The following DLGAP1 variants were observed in gnomAD, a reference collection of about 807,000 sequenced individuals.
DLGAP1 encodes DLG associated protein 1, also known as disks large-associated protein 1.
DLGAP1 carries 11 observed loss-of-function variants against 90.8 expected under a neutral mutation model. That is an observed-to-expected ratio of 0.12 (90% CI 0.08 to 0.20). The LOEUF is 0.20. Among genes scored for constraint, DLGAP1 ranks in the 10% least tolerant of loss-of-function variants. The pLI, the probability that DLGAP1 is intolerant of heterozygous loss-of-function variation, is 1.00. For synonymous variants in DLGAP1, 558 were observed against 540.7 expected (o/e 1.03, Z -0.44); for missense variants, 1,050 against 1,333.8 (o/e 0.79, Z 3.31).
chr18:4,357,090 CGT>C (rs5822808), intron 1 of DLGAP1, among the ~76,000 whole-genome samples: 124,830 of 144,026 alleles, frequency 0.87, 55,190 homozygotes, highest in East Asian at 0.99. Flanking sequence ...TATACGTGTG[CGT>C]GTGTGTGTGT....
At chr18:3,586,049 A>G (rs2055865074) in intron 7 of DLGAP1, among the ~76,000 whole-genome samples, 1 of 152,156 alleles carries the variant, frequency 6.6e-6, no homozygotes, top group African/African-American at 2.4e-5. Flanking sequence ...ATCGATAGGG[A>G]TAACTCTGGA....
chr18:4,211,725 T>C (rs1227558381), intron 1 of DLGAP1, among the ~76,000 whole-genome samples: 4 of 152,250 alleles, frequency 2.6e-5, no homozygotes, highest in South Asian at 2.1e-4. Context: ...GCATTTTCCT[T>C]AGTCTCTCGA....
chr18:3,964,555 G>T (rs546479980), intron 3 of DLGAP1, among the ~76,000 whole-genome samples: 1 of 152,106 alleles, frequency 6.6e-6, no homozygotes, highest in Admixed American at 6.5e-5. Flanking sequence ...GGGAATCTTC[G>T]CTAGGAGTTG....
chr18:4,159,502 GCTT>G (rs1273625195), intron 1 of DLGAP1, among the ~76,000 whole-genome samples: 3 of 152,072 alleles, frequency 2.0e-5, no homozygotes, highest in Non-Finnish European at 4.4e-5. Flanking sequence ...CAAAAATTAA[GCTT>G]CTTCTCTGTA....
At chr18:3,781,363 T>C (rs537791172) in intron 5 of DLGAP1, among the ~76,000 whole-genome samples, 1 of 152,022 alleles carries the variant, frequency 6.6e-6, no homozygotes, top group South Asian at 2.1e-4. Flanking sequence ...TTTTTTTTTT[T>C]TTTTTGAGAT....
chr18:4,165,576 C>G (rs2076919258), intron 1 of DLGAP1, among the ~76,000 whole-genome samples: 1 of 152,050 alleles, frequency 6.6e-6, no homozygotes, highest in Admixed American at 6.5e-5. Flanking sequence ...TTGTGAGTTT[C>G]ATAAAATATA....
intron 1 of DLGAP1, among the ~76,000 whole-genome samples, chr18:4,401,359 G>A (rs1053226448): frequency 8.5e-5 from 13 of 152,248 alleles, no homozygotes; most frequent in African/African-American, 3.1e-4. Context: ...AAACCATGCT[G>A]CTTATTCTGT....
intron 1 of DLGAP1, among the ~76,000 whole-genome samples, chr18:4,195,462 C>T (rs1273875229): frequency 2.0e-5 from 3 of 152,090 alleles, no homozygotes; most frequent in Admixed American, 1.3e-4. Flanking sequence ...ATAAAAGATG[C>T]GAAATTTGCA....
intron 2 of DLGAP1, among the ~76,000 whole-genome samples, chr18:4,007,659 C>G (rs954065615): frequency 6.6e-6 from 1 of 151,760 alleles, no homozygotes; most frequent in African/African-American, 2.4e-5. Context: ...CCATCTCAAA[C>G]AAACAAACAA....
chr18:3,952,540 C>A (rs964176315), intron 3 of DLGAP1, among the ~76,000 whole-genome samples: 1 of 152,222 alleles, frequency 6.6e-6, no homozygotes, highest in Non-Finnish European at 1.5e-5. Context: ...GGCCACAAAC[C>A]TGTAGCCTCA....
At chr18:3,740,390 A>T (rs761813011) in intron 6 of DLGAP1, among the ~76,000 whole-genome samples, 2 of 152,152 alleles carry the variant, frequency 1.3e-5, no homozygotes, top group Non-Finnish European at 2.9e-5. Context: ...ACCAGCACGA[A>T]TAGGTTTGCA....
chr18:4,362,844 C>T (rs2081659297), intron 1 of DLGAP1, among the ~76,000 whole-genome samples: 1 of 152,024 alleles, frequency 6.6e-6, no homozygotes, highest in African/African-American at 2.4e-5. Flanking sequence ...AACTGAAAGG[C>T]ATTTAATCAA....
At chr18:4,367,260 G>A (rs115701017) in intron 1 of DLGAP1, among the ~76,000 whole-genome samples, 5,201 of 151,480 alleles carry the variant, frequency 0.034, 149 homozygotes, top group African/African-American at 0.076. Flanking sequence ...AACAGTTAGT[G>A]CACATATCGT....
At chr18:3,969,449 T>A (rs2073398853) in intron 3 of DLGAP1, among the ~76,000 whole-genome samples, 1 of 152,168 alleles carries the variant, frequency 6.6e-6, no homozygotes, top group African/African-American at 2.4e-5. Context: ...CGCTGACCCA[T>A]TCTAGCCGTA....
In DLGAP1 at chr18:4,377,296, C is replaced by T. The variant is rs146561929; in HGVS notation, c.-267+77710G>A. ...GAGCATTTACTACCATTCTCATCCA[C>T]TCAAGAAGAGAATCAAGTTCTGAAT... is the stretch of plus-strand genomic sequence containing the variant. On this transcript the variant is annotated intron_variant, in intron 1 of 12. Coordinates refer to ENST00000315677, the MANE Select transcript of DLGAP1 (RefSeq NM_004746.4). Among the ~76,000 whole-genome samples, 993 of 152,262 alleles carry T rather than the reference C, an allele frequency of 6.5e-3. 11 individuals carry two copies. Among genetic ancestry groups the T allele is most frequent in the African/African-American group, 0.023 (953 of 41,550 alleles).
At chr18:4,200,602 T>A (rs9952512) in intron 1 of DLGAP1, among the ~76,000 whole-genome samples, 12,726 of 151,494 alleles carry the variant, frequency 0.084, 1,519 homozygotes, top group African/African-American at 0.27. Context: ...TACTTTAAAA[T>A]ATTAAAAAAA....
chr18:3,881,105 CT>C lies in DLGAP1; in HGVS notation c.-72-966del, dbSNP rs138240446. Among the ~76,000 whole-genome samples, 221 of 150,388 alleles carry C rather than the reference CT, an allele frequency of 1.5e-3. 1 individual carries two copies. Among genetic ancestry groups the C allele is most frequent in the African/African-American group, 4.6e-3 (186 of 40,754 alleles). ...GTTCTCTTGCTTCTTGGGTCTTATT[CT>C]TTTTTTTCTTTTTCTTTTCTTTTTC... On this transcript the variant is annotated intron_variant, in intron 3 of 12. Transcript: ENST00000315677.
chr18:4,028,408 T>A (rs1286210774), intron 2 of DLGAP1, among the ~76,000 whole-genome samples: 1 of 152,160 alleles, frequency 6.6e-6, no homozygotes, highest in Admixed American at 6.6e-5. Flanking sequence ...TGCATTCAGG[T>A]GGCAGCAAAT....
At chr18:3,635,183 T>G (rs547485390) in intron 7 of DLGAP1, among the ~76,000 whole-genome samples, 3 of 150,404 alleles carry the variant, frequency 2.0e-5, no homozygotes, top group Middle Eastern at 3.5e-3. Context: ...CAGGCTGGAG[T>G]GCAGTGGCGG....
Sources: gnomAD v4.1 joint callset for allele counts (sites outside exome capture counted in the v4.1 genomes callset) on GRCh38, gnomAD v4.1.1 for gene constraint, MANE v1.5 for transcripts, NCBI Gene and HGNC (gene_info 2026-07-23, HGNC 2026-07-21) for gene names.